ATP8B3: variants seen among roughly 807,000 people sequenced by gnomAD.
ATP8B3 encodes ATPase phospholipid transporting 8B3.
ATP8B3 carries 141 observed loss-of-function variants against 140.9 expected under a neutral mutation model. That is an observed-to-expected ratio of 1.00 (90% CI 0.87 to 1.15). ATP8B3 has a LOEUF of 1.15. Ranked by LOEUF, ATP8B3 falls within the 50% of genes most tolerant of loss-of-function variation. The pLI, the probability that ATP8B3 is intolerant of heterozygous loss-of-function variation, is 0.00. For missense variants in ATP8B3, 1,874 were observed against 1,740.6 expected (o/e 1.08, Z -1.36); for synonymous variants, 765 against 714.6 (o/e 1.07, Z -1.13).
chr19:1,788,964 A>T lies in ATP8B3; in HGVS notation c.3002T>A (p.Phe1001Tyr), dbSNP rs1258055477. 2 of 1,607,484 alleles carry T rather than the reference A, an allele frequency of 1.2e-6. No homozygotes were observed. Among genetic ancestry groups the T allele is most frequent in the Non-Finnish European group, 1.7e-6 (2 of 1,177,284 alleles). ...VRICKFLRYF[F>Y]YKSMASMMVQ... ...CATCATGCTGGCCATGCTCTTGTAGAAGAAGTAGCGCAGGAACTTGCAGAT... is the reference window on the plus strand; with the variant it reads ...CATCATGCTGGCCATGCTCTTGTAGTAGAAGTAGCGCAGGAACTTGCAGAT... Residue 1001 changes from phenylalanine (F) to tyrosine (Y), a missense_variant, in exon 24 of 29, where the codon TTC becomes TAC. Phe to Tyr is a conservative substitution (Grantham distance 22). This residue lies in a region of ATP8B3 where 840 missense variants were observed against 760.9 expected (regional missense o/e 1.10). Transcript: ENST00000310127.
In ATP8B3 at chr19:1,807,699, T is replaced by A. The variant is rs547118047; in HGVS notation, c.517-433A>T. Among the ~76,000 whole-genome samples, 1 of 152,236 alleles carries A rather than the reference T, an allele frequency of 6.6e-6. No homozygotes were observed. Among genetic ancestry groups the A allele is most frequent in the East Asian group, 1.9e-4 (1 of 5,180 alleles). Reference sequence around the variant, plus strand: ...ACTCCATTAATGCTGAATGACTCGATGGATGAAAGGAGAACCTCTCCATCC... The same window carrying A: ...ACTCCATTAATGCTGAATGACTCGAAGGATGAAAGGAGAACCTCTCCATCC... On this transcript the variant is annotated intron_variant, in intron 5 of 28. Coordinates refer to ENST00000310127, the MANE Select transcript of ATP8B3 (RefSeq NM_138813.4). The surrounding 1 kb of genome is among the most constrained non-coding windows in gnomAD (Gnocchi z 5.9).
rs1664161047 is a variant in ATP8B3, at chr19:1,796,829, G to T, written c.1635C>A (p.His545Gln). Residue 545 changes from histidine (H) to glutamine (Q), a missense_variant, in exon 16 of 29, where the codon CAC becomes CAA. His to Gln is a conservative substitution (Grantham distance 24, BLOSUM62 0). Transcript: ENST00000310127. ...NKFADGKLLF[H>Q]NAALLHLVRT... ...GCACGAGGTGCAGCAGGGCCGCATT[G>T]TGGAAGAGCAGCTTCCCGTCGGCGA... The T allele has an allele frequency of 6.2e-7, 1 of 1,612,456 alleles. No homozygotes were observed. The highest frequency in any genetic ancestry group is 1.1e-5 in the South Asian group (1 of 91,074).
At chr19:1,792,180 A>T in intron 18 of ATP8B3, 45 bp from the exon 19 acceptor site, 2 of 1,516,590 alleles carry the variant, frequency 1.3e-6, no homozygotes, top group Non-Finnish European at 1.8e-6. Context: ...TGAAGCCGAC[A>T]TCCGAGGCTC....
rs927050024 is a variant in ATP8B3 at position 1,794,197 on chromosome 19, T to G, written c.2055+1678A>C. Among the ~76,000 whole-genome samples the G allele has an allele frequency of 4.6e-5, 7 of 152,154 alleles. No homozygotes were observed. Among genetic ancestry groups the G allele is most frequent in the African/African-American group, 9.7e-5 (4 of 41,414 alleles). On this transcript the variant is annotated intron_variant, in intron 18 of 28. Transcript: ENST00000310127. The surrounding 1 kb of genome is among the most constrained non-coding windows in gnomAD (Gnocchi z 4.8). The stretch of plus-strand genomic sequence containing the variant: ...CACGCGCCACCATGTCTGATTTCCC[T>G]TTTGTTGTTGATGGGGCACGGGTCC...
In ATP8B3 at chr19:1,790,829, G is replaced by A. The variant is rs1010930734; in HGVS notation, c.2306C>T (p.Thr769Met). 1.9e-5 allele frequency: 31 copies of A among 1,598,046 alleles called. No homozygotes were observed. Among genetic ancestry groups the A allele is most frequent in the South Asian group, 4.5e-5 (4 of 88,356 alleles). ...IWVLTGDKQE[T>M]AVNIGFACEL... is the part of the protein sequence containing the mutation. Reference sequence around the variant, plus strand: ...GCAGGCGAAGCCGATGTTCACAGCCGTTTCTGCGAAGCAGACCAGCTCAGC... The same window carrying A: ...GCAGGCGAAGCCGATGTTCACAGCCATTTCTGCGAAGCAGACCAGCTCAGC... Residue 769 changes from threonine to methionine, a missense_variant, in exon 21 of 29, where the codon ACG becomes ATG. Physicochemically the swap from Thr to Met is moderately conservative, Grantham distance 81. Coordinates refer to ENST00000310127, the MANE Select transcript of ATP8B3 (RefSeq NM_138813.4).
At chr19:1,803,253 G>A (rs1377944900) in intron 10 of ATP8B3, among the ~76,000 whole-genome samples, 1 of 152,148 alleles carries the variant, frequency 6.6e-6, no homozygotes, top group Non-Finnish European at 1.5e-5. Flanking sequence ...AATGACAATG[G>A]GGCATGGGTT....
chr19:1,799,897 C>T (rs780894724), intron 14 of ATP8B3, 50 bp downstream of exon 14: 1 of 1,516,354 alleles, frequency 6.6e-7, no homozygotes, highest in Admixed American at 1.9e-5. Context: ...GCACCCTGAG[C>T]CCCTTGAAGA....
intron 17 of ATP8B3, 24 bp downstream of exon 17, chr19:1,796,053 C>T (rs1214506483): frequency 6.2e-7 from 1 of 1,611,972 alleles, no homozygotes; most frequent in Non-Finnish European, 8.5e-7. Context: ...TTGGGGGGCC[C>T]AGGGCTTGGG....
chr19:1,783,766 T>A (rs780220240), intron 28 of ATP8B3, among the ~76,000 whole-genome samples: 4 of 152,180 alleles, frequency 2.6e-5, no homozygotes, highest in Non-Finnish European at 5.9e-5. Context: ...ACCATTCCAG[T>A]CAATTCTGGG....
intron 27 of ATP8B3, 44 bp downstream of exon 27, chr19:1,785,113 TCC>T (rs2068261933): frequency 6.7e-7 from 1 of 1,495,994 alleles, no homozygotes; most frequent in Admixed American, 2.4e-5. Flanking sequence ...CCATCGGGGC[TCC>T]CCTGCACCAC....
At position 1,791,920 on chromosome 19, in the gene ATP8B3, G is replaced by A. The variant is rs542589572; in HGVS notation, c.2191-59C>T. On this transcript the variant is annotated intron_variant, in intron 19 of 28. Transcript: ENST00000310127. ...CTGAGCAGCCGTCCAGCTCCCTGGCGGGGGCAGGAGAGTCCCAGGGCCCCC... is the reference window on the plus strand; with the variant it reads ...CTGAGCAGCCGTCCAGCTCCCTGGCAGGGGCAGGAGAGTCCCAGGGCCCCC... 328 of 1,598,704 alleles carry A rather than the reference G, an allele frequency of 2.1e-4. 1 individual carries two copies. In the African/African-American group the frequency reaches 3.7e-3, roughly 18 times the overall value.
At chr19:1,788,758 G>C in intron 24 of ATP8B3, 139 bp downstream of exon 24, 2 of 795,430 alleles carry the variant, frequency 2.5e-6, no homozygotes, top group Non-Finnish European at 4.0e-6. Flanking sequence ...ACGCAGCCTT[G>C]CCATGTGGCC....
chr19:1,796,299 G>A (rs1421010943), intron 16 of ATP8B3, 34 bp from the exon 17 acceptor site: 1 of 1,545,024 alleles, frequency 6.5e-7, no homozygotes, highest in Admixed American at 1.8e-5. Flanking sequence ...GGGGTCACGT[G>A]GTGGAGCCCG....
Position 1,807,128 on chromosome 19 carries a change from C to G in ATP8B3, c.615+40G>C, listed in dbSNP as rs2069049420. On this transcript the variant is annotated intron_variant, in intron 6 of 28. Transcript: ENST00000310127. The surrounding 1 kb of genome is among the most constrained non-coding windows in gnomAD (Gnocchi z 5.9). Reference sequence around the variant, plus strand: ...GATCAAGAGACCCCCCCGACCGGCCCCGCTCCCTCCCCCAGGCAGCTGCAT... The same window carrying G: ...GATCAAGAGACCCCCCCGACCGGCCGCGCTCCCTCCCCCAGGCAGCTGCAT... 3.2e-6 allele frequency: 5 copies of G among 1,571,962 alleles called. No individual in the cohort carries two copies. The highest frequency in any genetic ancestry group is 4.4e-6 in the Non-Finnish European group (5 of 1,143,650).
In ATP8B3 at chr19:1,810,606, T is replaced by C. The variant is rs716993; in HGVS notation, c.310+16A>G. On this transcript the variant is annotated intron_variant, in intron 3 of 28. Transcript: ENST00000310127. ...TCCCTCCCACCTGCACCGCCCCCTC[T>C]GCCCAGGATCAGCACCTGAGTTCCT... 0.83 allele frequency: 1,343,027 copies of C among 1,610,240 alleles called. 560,659 individuals carry two copies. The highest frequency in any genetic ancestry group is 0.88 in the East Asian group (39,371 of 44,698).
At chr19:1,796,672 G>A (rs1283803663) in intron 16 of ATP8B3, 39 bp downstream of exon 16, 6 of 1,592,282 alleles carry the variant, frequency 3.8e-6, no homozygotes, top group Non-Finnish European at 5.1e-6. Flanking sequence ...TGCCCCGGGG[G>A]CTGAGCGGCC....
In ATP8B3 at chr19:1,787,184, G is replaced by C; in HGVS notation, c.3072C>G (p.Pro1024=). The part of the protein sequence containing the change: ...FACYNGFTGQ[P]LYEGWFLALF... ...GAGCCAGGAACCATCCTTCATACAG[G>C]GGCTGAGCCGGGGGAGAAGGGCAAG... is the stretch of plus-strand genomic sequence containing the variant. Residue 1024 remains proline, a splice_region_variant and synonymous_variant, in exon 25 of 29, where the codon CCC becomes CCG. Coordinates refer to ENST00000310127, the MANE Select transcript of ATP8B3 (RefSeq NM_138813.4). 1 of 1,607,744 alleles carries C rather than the reference G, an allele frequency of 6.2e-7. No homozygotes were observed.
Position 1,809,627 on chromosome 19 carries a change from G to T in ATP8B3, c.402+16C>A. The T allele has an allele frequency of 6.3e-7, 1 of 1,589,700 alleles. No individual in the cohort carries two copies. Among genetic ancestry groups the T allele is most frequent in the South Asian group, 1.1e-5 (1 of 87,668 alleles). On this transcript the variant is annotated intron_variant, in intron 4 of 28. Transcript: ENST00000310127. Reference sequence around the variant, plus strand: ...CAGCTCCTCTGGAGCAGGGAGGCGCGGGAGGGGCCGCCCACCTTGTATTTC... The same window carrying T: ...CAGCTCCTCTGGAGCAGGGAGGCGCTGGAGGGGCCGCCCACCTTGTATTTC...
chr19:1,785,019 G>C (rs1221204842), intron 27 of ATP8B3, 73 bp from the exon 28 acceptor site: 40 of 1,536,746 alleles, frequency 2.6e-5, no homozygotes, highest in Non-Finnish European at 3.4e-5. Flanking sequence ...GGAGCGCCTT[G>C]GTGCCTTTGT....
Sources: allele counts gnomAD v4.1 joint callset (sites outside exome capture counted in the v4.1 genomes callset), GRCh38; gene constraint gnomAD v4.1.1; regional missense constraint gnomAD v4.1.1; non-coding constraint Gnocchi (gnomAD v3.1); transcripts MANE v1.5; gene names NCBI Gene and HGNC (gene_info 2026-07-23, HGNC 2026-07-21).